SH3GL2: variants seen among roughly 807,000 people sequenced by gnomAD.
SH3GL2 encodes the protein SH3 domain containing GRB2 like 2, endophilin A1, also known as endophilin-A1.
In SH3GL2, 24 loss-of-function variants were observed where a neutral mutation model predicts 46.0. That is an observed-to-expected ratio of 0.52 (90% CI 0.38 to 0.73). The LOEUF is 0.73. Among genes scored for constraint, SH3GL2 ranks in the 30% least tolerant of loss-of-function variants. The pLI, the probability that SH3GL2 is intolerant of heterozygous loss-of-function variation, is 0.00. For synonymous variants in SH3GL2, 196 were observed against 147.1 expected (o/e 1.33, Z -2.40); for missense variants, 413 against 424.2 (o/e 0.97, Z 0.23).
At chr9:17,654,873 T>G (rs1268460928) in intron 1 of SH3GL2, among the ~76,000 whole-genome samples, 5 of 152,178 alleles carry the variant, frequency 3.3e-5, no homozygotes, top group Non-Finnish European at 5.9e-5. Context: ...TGGTAACATG[T>G]AGACATTTTC....
At chr9:17,746,113 C>G (rs573543366) in intron 1 of SH3GL2, among the ~76,000 whole-genome samples, 1 of 152,112 alleles carries the variant, frequency 6.6e-6, no homozygotes, top group Non-Finnish European at 1.5e-5. Flanking sequence ...GTCTCGCTGT[C>G]GCCCAGGCTG....
At chr9:17,660,490 G>C (rs1381533006) in intron 1 of SH3GL2, among the ~76,000 whole-genome samples, 1 of 152,178 alleles carries the variant, frequency 6.6e-6, no homozygotes, top group Admixed American at 6.5e-5. Flanking sequence ...AAAGTATGTT[G>C]CACTAGGTGT....
intron 1 of SH3GL2, among the ~76,000 whole-genome samples, chr9:17,671,821 G>C (rs139849299): frequency 7.5e-4 from 114 of 152,164 alleles, no homozygotes; most frequent in Non-Finnish European, 1.3e-3. Context: ...TGACATCTTC[G>C]TTGCCTTGAG....
chr9:17,761,295 C>T (rs919295170), intron 2 of SH3GL2, 142 bp from the exon 3 acceptor site: 14 of 648,672 alleles, frequency 2.2e-5, no homozygotes, highest in African/African-American at 1.4e-4. Flanking sequence ...GACTTCCAGC[C>T]GCGTCTCAGC....
chr9:17,622,471 G>A (rs1398865572), intron 1 of SH3GL2, among the ~76,000 whole-genome samples: 1 of 152,082 alleles, frequency 6.6e-6, no homozygotes, highest in Non-Finnish European at 1.5e-5. Flanking sequence ...ACTAGAATTG[G>A]GTGTCCAGGC....
intron 1 of SH3GL2, among the ~76,000 whole-genome samples, chr9:17,716,338 C>A (rs143880319): frequency 1.3e-5 from 2 of 152,148 alleles, no homozygotes; most frequent in East Asian, 3.9e-4. Flanking sequence ...TGTTCTGGGA[C>A]ACAGCGAAAT....
intron 3 of SH3GL2, among the ~76,000 whole-genome samples, chr9:17,776,494 AC>A (rs1437313313): frequency 3.3e-5 from 5 of 151,926 alleles, no homozygotes; most frequent in Non-Finnish European, 7.4e-5. Flanking sequence ...CAACCTCACA[AC>A]CTCAAGTCTG....
chr9:17,602,636 A>T (rs1228700457), intron 1 of SH3GL2, among the ~76,000 whole-genome samples: 3 of 152,184 alleles, frequency 2.0e-5, no homozygotes, highest in Non-Finnish European at 4.4e-5. Context: ...ATTGATTTGC[A>T]AAAGAAGGAT....
At chr9:17,786,990 C>T (rs1251641034) in intron 4 of SH3GL2, among the ~76,000 whole-genome samples, 1 of 152,198 alleles carries the variant, frequency 6.6e-6, no homozygotes, top group African/African-American at 2.4e-5. Context: ...TCAGCTACCA[C>T]ACCCAACATC....
At chr9:17,794,284 T>TA (rs2131196792) in intron 8 of SH3GL2, among the ~76,000 whole-genome samples, 1 of 152,340 alleles carries the variant, frequency 6.6e-6, no homozygotes, top group East Asian at 1.9e-4. Context: ...ATGTGGATGT[T>TA]AGAGATAGGT....
chr9:17,721,052 GCTTT>G (rs781556307), intron 1 of SH3GL2, among the ~76,000 whole-genome samples: 1 of 152,030 alleles, frequency 6.6e-6, no homozygotes, highest in Non-Finnish European at 1.5e-5. Context: ...CATCTGCTCT[GCTTT>G]CTGAACTCTC....
chr9:17,713,250 AT>A (rs1321093509), intron 1 of SH3GL2, among the ~76,000 whole-genome samples: 15 of 151,474 alleles, frequency 9.9e-5, no homozygotes, highest in Non-Finnish European at 1.0e-4. Flanking sequence ...ATCTGTAGTG[AT>A]ATCCTCTATC....
At position 17,795,788 on chromosome 9, in the gene SH3GL2, C is replaced by T. The variant is rs757576547; in HGVS notation, c.*45C>T. On this transcript the variant is annotated 3_prime_UTR_variant, in exon 9 of 9. Transcript: ENST00000380607. ...CGCCTCCTCTTGACCCAGATAGTTA[C>T]GGTTAACCACTGCTTTGGCAATGCT... 37 of 1,475,522 alleles carry T rather than the reference C, an allele frequency of 2.5e-5. No individual in the cohort carries two copies. Among genetic ancestry groups the T allele is most frequent in the African/African-American group, 4.1e-5 (3 of 72,292 alleles). 91.4% of individuals were successfully genotyped at this position (1,475,522 alleles called of 1,614,324 possible). A position where few individuals can be genotyped will look rare whatever the true frequency, so the allele number is the denominator to read the frequency against.
intron 3 of SH3GL2, 43 bp downstream of exon 3, chr9:17,761,552 CT>C: frequency 8.7e-7 from 1 of 1,143,500 alleles, no homozygotes; most frequent in Non-Finnish European, 1.3e-6. Flanking sequence ...CTCGAGGTAA[CT>C]TTTAGTTTCT....
intron 1 of SH3GL2, among the ~76,000 whole-genome samples, chr9:17,635,954 T>A (rs1034118659): frequency 5.3e-5 from 8 of 152,192 alleles, no homozygotes; most frequent in Non-Finnish European, 1.0e-4. Flanking sequence ...AGGTCCTAAA[T>A]GCAGTGTCCA....
At position 17,795,801 on chromosome 9, in the gene SH3GL2, C is replaced by A; in HGVS notation, c.*58C>A. 4 of 1,383,846 alleles carry A rather than the reference C, an allele frequency of 2.9e-6. No homozygotes were observed. Among genetic ancestry groups the A allele is most frequent in the Non-Finnish European group, 3.0e-6 (3 of 984,998 alleles). 85.7% of individuals were successfully genotyped at this position (1,383,846 alleles called of 1,614,324 possible). On this transcript the variant is annotated 3_prime_UTR_variant, in exon 9 of 9. Coordinates refer to ENST00000380607, the MANE Select transcript of SH3GL2 (RefSeq NM_003026.5). ...CCCAGATAGTTACGGTTAACCACTG[C>A]TTTGGCAATGCTGCTTATAACACAT... is the stretch of plus-strand genomic sequence containing the variant.
intron 1 of SH3GL2, among the ~76,000 whole-genome samples, chr9:17,707,781 C>T (rs866044659): frequency 2.6e-5 from 4 of 152,012 alleles, no homozygotes; most frequent in African/African-American, 7.2e-5. Flanking sequence ...ATTTAAAGCA[C>T]GGTCCCTTAC....
At chr9:17,768,801 T>C (rs528454800) in intron 3 of SH3GL2, among the ~76,000 whole-genome samples, 1 of 152,332 alleles carries the variant, frequency 6.6e-6, no homozygotes, top group Admixed American at 6.5e-5. Flanking sequence ...CGAAATCATT[T>C]CTACTCCAGT....
chr9:17,785,032 A>G (rs1823913788), intron 3 of SH3GL2, among the ~76,000 whole-genome samples: 2 of 152,194 alleles, frequency 1.3e-5, no homozygotes, highest in African/African-American at 4.8e-5. Context: ...TATTTTTCAA[A>G]CTTAACATAT....
Sources: allele counts gnomAD v4.1 joint callset (sites outside exome capture counted in the v4.1 genomes callset), GRCh38; gene constraint gnomAD v4.1.1; transcripts MANE v1.5; gene names NCBI Gene and HGNC (gene_info 2026-07-23, HGNC 2026-07-21).